ZBTB20: variants seen among roughly 807,000 people sequenced by gnomAD.
The protein encoded by ZBTB20 is zinc finger and BTB domain-containing protein 20.
Under a neutral mutation model 56.9 loss-of-function variants are expected in ZBTB20, and 9 were observed. The observed-to-expected ratio is 0.16, with a 90% CI of 0.10 to 0.28. ZBTB20 has a LOEUF of 0.28. Ranked by LOEUF, ZBTB20 falls within the 10% of genes least tolerant of loss-of-function variation. The pLI, the probability that ZBTB20 is intolerant of heterozygous loss-of-function variation, is 1.00. For synonymous variants in ZBTB20, 417 were observed against 420.7 expected (o/e 0.99, Z 0.11); for missense variants, 655 against 1,003.0 (o/e 0.65, Z 4.69).
intron 3 of ZBTB20, among the ~76,000 whole-genome samples, chr3:114,918,510 GC>G (rs1369380040): frequency 6.6e-6 from 1 of 152,126 alleles, no homozygotes; most frequent in Admixed American, 6.5e-5. Context: ...CTCACTCAAT[GC>G]CCATGACATG....
intron 1 of ZBTB20, among the ~76,000 whole-genome samples, chr3:115,080,995 C>T (rs751607308): frequency 3.2e-4 from 48 of 152,078 alleles, no homozygotes; most frequent in Non-Finnish European, 5.4e-4. Flanking sequence ...TATAGAAATA[C>T]ATCTGACTGT....
chr3:114,457,275 A>T (rs2092076382), intron 7 of ZBTB20, among the ~76,000 whole-genome samples: 1 of 152,214 alleles, frequency 6.6e-6, no homozygotes, highest in Non-Finnish European at 1.5e-5. Flanking sequence ...GTAAAAGGTG[A>T]TGATATTGGT....
chr3:114,530,409 G>A (rs1339250975), intron 6 of ZBTB20, among the ~76,000 whole-genome samples: 3 of 152,124 alleles, frequency 2.0e-5, no homozygotes, highest in Non-Finnish European at 1.5e-5. Context: ...AAAGCAATAG[G>A]CTATATCATA....
chr3:114,934,415 C>A (rs1410092771), intron 3 of ZBTB20, among the ~76,000 whole-genome samples: 2 of 152,176 alleles, frequency 1.3e-5, no homozygotes, highest in Admixed American at 1.3e-4. Flanking sequence ...TTTCCTCCTC[C>A]TTTACCTCCC....
At chr3:115,082,446 A>G (rs2082831752) in intron 1 of ZBTB20, among the ~76,000 whole-genome samples, 1 of 152,138 alleles carries the variant, frequency 6.6e-6, no homozygotes, top group Non-Finnish European at 1.5e-5. Context: ...CTTTGCTTAT[A>G]AAACATGTGA....
chr3:115,024,961 A>T (rs966926392), intron 2 of ZBTB20, among the ~76,000 whole-genome samples: 2 of 151,188 alleles, frequency 1.3e-5, no homozygotes, highest in Non-Finnish European at 3.0e-5. Flanking sequence ...CTTTTATTTT[A>T]AGTTCAGGGG....
chr3:114,316,197 A>G lies in ZBTB20; in HGVS notation c.*22808T>C. 3.4e-6 allele frequency: 1 copy of G among 297,012 alleles called. No individual in the cohort carries two copies. Among genetic ancestry groups the G allele is most frequent in the Non-Finnish European group, 6.3e-6 (1 of 157,552 alleles). 18.4% of individuals were successfully genotyped at this position (297,012 alleles called of 1,614,324 possible). ...AAAGAAATAACTGATGAAATGGTAT[A>G]TAGAACATTACTGCATTCGCATCGG... On this transcript the variant is annotated 3_prime_UTR_variant, in exon 12 of 12. Coordinates refer to ENST00000675478, the MANE Select transcript of ZBTB20 (RefSeq NM_001348800.3).
chr3:114,528,448 A>T (rs78003951), intron 6 of ZBTB20, among the ~76,000 whole-genome samples: 1 of 152,198 alleles, frequency 6.6e-6, no homozygotes, highest in Admixed American at 6.5e-5. Flanking sequence ...ACAAAAAAAA[A>T]TTTTTCCTAA....
At chr3:115,141,796 T>G (rs1381001978) in intron 1 of ZBTB20, among the ~76,000 whole-genome samples, 3 of 152,202 alleles carry the variant, frequency 2.0e-5, no homozygotes, top group Non-Finnish European at 4.4e-5. Context: ...ACACCCCAAA[T>G]TTTGACTTAA....
rs973026810 is a variant in ZBTB20, at chr3:115,142,465, A to G, written c.-703+4754T>C. 3.9e-4 allele frequency among the ~76,000 whole-genome samples: 59 copies of G among 152,264 alleles called. 1 individual carries two copies. The highest frequency in any genetic ancestry group is 7.8e-4 in the Non-Finnish European group (53 of 68,014). On this transcript the variant is annotated intron_variant, in intron 1 of 11. Transcript: ENST00000675478. ...ATCACGAGGTCAGGAGATCAAGACC[A>G]TCGTGGCCAACATGGTGAAACCCTG... is the stretch of plus-strand genomic sequence containing the variant.
chr3:114,761,165 A>C (rs914532509), intron 5 of ZBTB20, among the ~76,000 whole-genome samples: 59 of 152,166 alleles, frequency 3.9e-4, no homozygotes, highest in Non-Finnish European at 5.4e-4. Context: ...AGAATTTACA[A>C]AGTTTATTAA....
At chr3:114,811,606 A>G (rs1188853270) in intron 4 of ZBTB20, among the ~76,000 whole-genome samples, 1 of 152,228 alleles carries the variant, frequency 6.6e-6, no homozygotes, top group African/African-American at 2.4e-5. Context: ...TATCTTACTG[A>G]TATCTTTGGA....
chr3:114,398,491 C>T (rs994525304), intron 7 of ZBTB20, among the ~76,000 whole-genome samples: 7 of 152,112 alleles, frequency 4.6e-5, no homozygotes, highest in African/African-American at 1.7e-4. Context: ...CCATCACTGC[C>T]ATTGCCCTGA....
chr3:115,037,536 C>T (rs556907526), intron 2 of ZBTB20, among the ~76,000 whole-genome samples: 21 of 152,260 alleles, frequency 1.4e-4, no homozygotes, highest in African/African-American at 4.8e-4. Context: ...CCGCCAGCCT[C>T]GACCTCCCAA....
In ZBTB20 at chr3:114,748,286, CTT is replaced by C. The variant is rs2067221868; in HGVS notation, c.-343+52813_-343+52814del. On this transcript the variant is annotated intron_variant, in intron 5 of 11. Coordinates refer to ENST00000675478, the MANE Select transcript of ZBTB20 (RefSeq NM_001348800.3). ...CTGGGGTTTTTGTTGTAGCTTCTTT[CTT>C]TCTTTCTTTCTTTCTTTCTTTCTTT... Among the ~76,000 whole-genome samples, 50 of 95,662 alleles carry C rather than the reference CTT, an allele frequency of 5.2e-4. 2 individuals carry two copies. The highest frequency in any genetic ancestry group is 5.1e-3 in the Admixed American group (46 of 9,018). The allele number at this position is 95,662 out of a possible 152,430, so 62.8% of individuals were successfully genotyped here.
intron 11 of ZBTB20, among the ~76,000 whole-genome samples, chr3:114,347,366 C>CT (rs899688627): frequency 3.3e-5 from 5 of 150,996 alleles, no homozygotes; most frequent in Non-Finnish European, 5.9e-5. Context: ...TCAAGCTATT[C>CT]TTTTTTTTTA....
At chr3:114,585,326 ATAT>A (rs1251054177) in intron 6 of ZBTB20, among the ~76,000 whole-genome samples, 4 of 152,132 alleles carry the variant, frequency 2.6e-5, no homozygotes, top group African/African-American at 7.2e-5. Flanking sequence ...ATAACTCCAG[ATAT>A]TATGCTGAGT....
intron 6 of ZBTB20, among the ~76,000 whole-genome samples, chr3:114,589,796 C>T (rs1299298501): frequency 1.3e-5 from 2 of 152,166 alleles, no homozygotes; most frequent in Admixed American, 1.3e-4. Flanking sequence ...TAGAAAAGTG[C>T]TTGTAAGTAT....
intron 4 of ZBTB20, chr3:114,873,341 G>C (rs2076076074): frequency 6.6e-6 from 1 of 152,114 alleles, no homozygotes. Context: ...TCATATATGT[G>C]AATGTGTGTA....
Sources: gnomAD v4.1 joint callset for allele counts (sites outside exome capture counted in the v4.1 genomes callset) on GRCh38, gnomAD v4.1.1 for gene constraint, MANE v1.5 for transcripts, NCBI Gene and HGNC (gene_info 2026-07-23, HGNC 2026-07-21) for gene names.